The following FSTL4 variants were observed in gnomAD, a reference collection of about 807,000 sequenced individuals.
The protein encoded by FSTL4 is follistatin-related protein 4.
A neutral mutation model predicts 78.2 loss-of-function variants in FSTL4; 28 were observed. That is an observed-to-expected ratio of 0.36 (90% CI 0.27 to 0.49). The LOEUF (loss-of-function observed/expected upper bound fraction) is 0.49. FSTL4 is among the 20% of genes least tolerant of loss of function. The pLI, the probability that FSTL4 is intolerant of heterozygous loss-of-function variation, is 0.98. For missense variants in FSTL4, 922 were observed against 1,084.9 expected (o/e 0.85, Z 2.11); for synonymous variants, 422 against 440.5 (o/e 0.96, Z 0.53).
intron 7 of FSTL4, among the ~76,000 whole-genome samples, chr5:133,237,350 G>A (rs1489871756): frequency 1.3e-5 from 2 of 152,168 alleles, no homozygotes; most frequent in Non-Finnish European, 2.9e-5. Context: ...CTTGTGCTGT[G>A]CCTCCAACAC....
Position 133,201,851 on chromosome 5 carries a change from G to A in FSTL4, c.1826+82C>T, listed in dbSNP as rs569535995. 5 of 746,828 alleles carry A rather than the reference G, an allele frequency of 6.7e-6. No homozygotes were observed. The Admixed American group carries it at 6.7e-5, about 10-fold the overall frequency. The allele number at this position is 746,828 out of a possible 1,614,324, so 46.3% of individuals were successfully genotyped here. A position where few individuals can be genotyped will look rare whatever the true frequency, so the allele number is the denominator to read the frequency against. ...AGTGGAGGAGACAGAGAAATGAGCA[G>A]GTCCCATGCTGGGCAATGCTGCCCC... On this transcript the variant is annotated intron_variant, in intron 15 of 15. Coordinates refer to ENST00000265342, the MANE Select transcript of FSTL4 (RefSeq NM_015082.2).
intron 3 of FSTL4, among the ~76,000 whole-genome samples, chr5:133,547,376 G>A (rs953217095): frequency 6.6e-6 from 1 of 152,186 alleles, no homozygotes; most frequent in Non-Finnish European, 1.5e-5. Context: ...GCTGGAACAA[G>A]TTAAGACCTT....
intron 4 of FSTL4, among the ~76,000 whole-genome samples, chr5:133,316,880 A>C (rs1753918532): frequency 1.3e-5 from 2 of 152,182 alleles, no homozygotes; most frequent in African/African-American, 2.4e-5. Flanking sequence ...CAAATGCTGG[A>C]GGGAATCTGT....
At chr5:133,796,331 G>A in the FSTL4 span, among the ~76,000 whole-genome samples, 96 of 152,312 alleles carry the variant, frequency 6.3e-4, no homozygotes, top group African/African-American at 2.2e-3. Flanking sequence ...TCTGCGGACA[G>A]CTTGACTGTC....
At chr5:133,419,427 C>A (rs1756646977) in intron 3 of FSTL4, among the ~76,000 whole-genome samples, 1 of 152,124 alleles carries the variant, frequency 6.6e-6, no homozygotes, top group South Asian at 2.1e-4. Context: ...CAGTTCATTC[C>A]TTTTTATTGC....
Position 133,210,547 on chromosome 5 carries a change from C to CA in FSTL4, c.1609-250dup, listed in dbSNP as rs1415930166. Among the ~76,000 whole-genome samples, 5 of 152,074 alleles carry CA rather than the reference C, an allele frequency of 3.3e-5. No homozygotes were observed. The East Asian group carries it at 9.7e-4, about 29-fold the overall frequency. On this transcript the variant is annotated intron_variant, in intron 13 of 15. Coordinates refer to ENST00000265342, the MANE Select transcript of FSTL4 (RefSeq NM_015082.2). Reference sequence around the variant, plus strand: ...TGCTCTTGTTGCCCAGGCTGGAGTGCAATGATGTGATCTCGGCTCACTGCA... The same window carrying CA: ...TGCTCTTGTTGCCCAGGCTGGAGTGCAAATGATGTGATCTCGGCTCACTGCA...
At chr5:133,660,021 GAAGCCAGGAGTTTTGTCTA>G in the FSTL4 span, among the ~76,000 whole-genome samples, 2 of 152,206 alleles carry the variant, frequency 1.3e-5, no homozygotes, top group Non-Finnish European at 2.9e-5. Context: ...CTTAGAGAAC[GAAGCCAGGAGTTTTGTCTA>G]CCCAATATGC....
intron 3 of FSTL4, among the ~76,000 whole-genome samples, chr5:133,543,877 T>G (rs1481298310): frequency 6.6e-6 from 1 of 152,120 alleles, no homozygotes; most frequent in Non-Finnish European, 1.5e-5. Flanking sequence ...CTAGATTTTT[T>G]GAATATTTTT....
chr5:133,582,511 A>C (rs1043139341), intron 2 of FSTL4, among the ~76,000 whole-genome samples: 5 of 152,170 alleles, frequency 3.3e-5, no homozygotes, highest in Non-Finnish European at 7.4e-5. Context: ...CCCAGCCTGA[A>C]AGAAGTGCTC....
chr5:133,304,309 C>T (rs1438797341), intron 6 of FSTL4, among the ~76,000 whole-genome samples: 1 of 152,156 alleles, frequency 6.6e-6, no homozygotes, highest in African/African-American at 2.4e-5. Context: ...TCAGAGAGCT[C>T]TCTCCTGCAT....
At chr5:133,298,928 C>A (rs902055346) in intron 6 of FSTL4, among the ~76,000 whole-genome samples, 1 of 152,196 alleles carries the variant, frequency 6.6e-6, no homozygotes, top group Non-Finnish European at 1.5e-5. Flanking sequence ...TTGTAAGGAC[C>A]GCACTTCTCC....
At chr5:133,211,322 T>C (rs1339797537) in intron 13 of FSTL4, among the ~76,000 whole-genome samples, 1 of 152,180 alleles carries the variant, frequency 6.6e-6, no homozygotes. Flanking sequence ...GTCAACATTC[T>C]AGTCCTCCCT....
At chr5:133,665,921 G>A in the FSTL4 span, among the ~76,000 whole-genome samples, 1 of 152,184 alleles carries the variant, frequency 6.6e-6, no homozygotes, top group Non-Finnish European at 1.5e-5. Context: ...TGCAAGCTGG[G>A]CCACTGCAGA....
the FSTL4 span, among the ~76,000 whole-genome samples, chr5:133,702,588 A>G: frequency 6.6e-6 from 1 of 152,058 alleles, no homozygotes; most frequent in South Asian, 2.1e-4. Context: ...CTTCAACACC[A>G]CTTACCACTT....
the FSTL4 span, among the ~76,000 whole-genome samples, chr5:133,626,662 GTGT>G: frequency 6.6e-6 from 1 of 151,748 alleles, no homozygotes; most frequent in Non-Finnish European, 1.5e-5. Context: ...ATTTAGAACT[GTGT>G]TGTTATGTTT....
At chr5:133,562,811 A>AT (rs1185140327) in intron 3 of FSTL4, among the ~76,000 whole-genome samples, 1 of 152,222 alleles carries the variant, frequency 6.6e-6, no homozygotes, top group East Asian at 1.9e-4. Flanking sequence ...TATCCCAGCC[A>AT]TTTGCTCAGC....
intron 2 of FSTL4, among the ~76,000 whole-genome samples, chr5:133,601,698 T>TTTTTTTA (rs377291709): frequency 1.3e-5 from 2 of 149,602 alleles, no homozygotes; most frequent in African/African-American, 2.5e-5. Context: ...TTTTTTTTTT[T>TTTTTTTA]CTCAGACATG....
chr5:133,647,986 A>G, the FSTL4 span, among the ~76,000 whole-genome samples: 4 of 152,104 alleles, frequency 2.6e-5, no homozygotes, highest in Non-Finnish European at 4.4e-5. Context: ...TGATGGTTCT[A>G]TAAAGAGGAG....
chr5:133,342,504 G>A (rs961595987), intron 4 of FSTL4, among the ~76,000 whole-genome samples: 2 of 152,178 alleles, frequency 1.3e-5, no homozygotes, highest in Admixed American at 6.5e-5. Flanking sequence ...CATCCACAGC[G>A]CTTTTACCCC....
Sources: gnomAD v4.1 joint callset for allele counts (sites outside exome capture counted in the v4.1 genomes callset) on GRCh38, gnomAD v4.1.1 for gene constraint, MANE v1.5 for transcripts, NCBI Gene and HGNC (gene_info 2026-07-23, HGNC 2026-07-21) for gene names.